Variants in COL4A2 observed in about 807,000 individuals in gnomAD.
COL4A2 encodes collagen type IV alpha 2 chain.
A neutral mutation model predicts 200.2 loss-of-function variants in COL4A2; 99 were observed. That is an observed-to-expected ratio of 0.49 (90% CI 0.42 to 0.58). The LOEUF is 0.58. Among genes scored for constraint, COL4A2 ranks in the 20% least tolerant of loss-of-function variants. COL4A2 has a pLI of 0.00. For synonymous variants in COL4A2, 897 were observed against 900.6 expected (o/e 1.00, Z 0.07); for missense variants, 1,950 against 2,314.1 (o/e 0.84, Z 3.23).
chr13:110,411,578 G>A (rs1879838814), intron 4 of COL4A2, among the ~76,000 whole-genome samples: 1 of 152,176 alleles, frequency 6.6e-6, no homozygotes, highest in South Asian at 2.1e-4. Context: ...ATTTGAGCAG[G>A]GTAGGGTTAA....
intron 4 of COL4A2, among the ~76,000 whole-genome samples, chr13:110,418,830 A>G (rs1880140947): frequency 6.6e-6 from 1 of 152,222 alleles, no homozygotes; most frequent in East Asian, 1.9e-4. Context: ...ACTAGCCTTT[A>G]CATTATTGTT....
chr13:110,479,649 A>G (rs866038167), intron 30 of COL4A2, among the ~76,000 whole-genome samples: 2 of 152,194 alleles, frequency 1.3e-5, no homozygotes, highest in African/African-American at 2.4e-5. Context: ...AGAGAAATGC[A>G]TTAAGAAGGG....
In COL4A2 at chr13:110,513,016, A is replaced by T. The variant is rs1266507397; in HGVS notation, c.*825A>T. On this transcript the variant is annotated 3_prime_UTR_variant, in exon 48 of 48. Coordinates refer to ENST00000360467, the MANE Select transcript of COL4A2 (RefSeq NM_001846.4). ...GACTACAAAATAAAACTTGGTTCTG[A>T]ATATTTTTAAACCCCGAGTTGTTGA... 6.6e-6 allele frequency: 1 copy of T among 152,178 alleles called. No individual in the cohort carries two copies. Among genetic ancestry groups the T allele is most frequent in the Admixed American group, 6.5e-5 (1 of 15,282 alleles). 9.4% of individuals were successfully genotyped at this position (152,178 alleles called of 1,614,324 possible). A position where few individuals can be genotyped will look rare whatever the true frequency, so the allele number is the denominator to read the frequency against.
chr13:110,479,162 A>G (rs56134938), intron 30 of COL4A2, among the ~76,000 whole-genome samples: 18,646 of 152,184 alleles, frequency 0.12, 1,244 homozygotes, highest in Middle Eastern at 0.2. Flanking sequence ...CTGGTTCTCA[A>G]CTACTGAGAA....
chr13:110,466,304 A>G (rs922490118), intron 26 of COL4A2, among the ~76,000 whole-genome samples: 12 of 152,194 alleles, frequency 7.9e-5, no homozygotes, highest in African/African-American at 2.9e-4. Context: ...ACTGGAAAGC[A>G]CCAGTGCATT....
chr13:110,480,312 T>C lies in COL4A2; in HGVS notation c.2680T>C (p.Phe894Leu). 6.2e-7 allele frequency: 1 copy of C among 1,613,986 alleles called. No homozygotes were observed. Among genetic ancestry groups the C allele is most frequent in the Non-Finnish European group, 8.5e-7 (1 of 1,179,930 alleles). The change falls in exon 31 of 48, where the codon TTC (phenylalanine) becomes CTC (leucine). Residue 894 changes from phenylalanine to leucine, a missense_variant. Physicochemically the swap from Phe to Leu is conservative, Grantham distance 22. Transcript: ENST00000360467. ...GLSGDRGDAG[F>L]TGEQGHPGSP... ...CTCTGGTGACAGAGGAGATGCTGGC[T>C]TCACAGGGGAGCAAGGCCATCCAGG...
At chr13:110,471,280 A>C (rs1019940887) in intron 28 of COL4A2, among the ~76,000 whole-genome samples, 14 of 152,164 alleles carry the variant, frequency 9.2e-5, no homozygotes, top group Non-Finnish European at 1.9e-4. Flanking sequence ...TTATCAGGTG[A>C]TTTGGACAGT....
At chr13:110,343,606 C>A (rs529272822) in intron 3 of COL4A2, among the ~76,000 whole-genome samples, 9 of 152,312 alleles carry the variant, frequency 5.9e-5, no homozygotes, top group African/African-American at 2.2e-4. Context: ...GGCCCCAAAG[C>A]CCCTGGGACT....
chr13:110,478,301 C>T (rs1882770787), intron 30 of COL4A2, 137 bp downstream of exon 30: 6 of 733,880 alleles, frequency 8.2e-6, no homozygotes, highest in Non-Finnish European at 1.0e-5. Flanking sequence ...CAAACCAGAA[C>T]ATGTATTTCA....
rs959801271 is a variant in COL4A2, at chr13:110,457,647, C to A, written c.1432+212C>A. The A allele has an allele frequency of 1.9e-4, 129 of 675,848 alleles. 2 individuals are homozygous for A. In the East Asian group the frequency reaches 3.8e-3, roughly 20 times the overall value. The allele number at this position is 675,848 out of a possible 1,614,324, so 41.9% of individuals were successfully genotyped here. A position where few individuals can be genotyped will look rare whatever the true frequency, so the allele number is the denominator to read the frequency against. On this transcript the variant is annotated intron_variant, in intron 21 of 47. Transcript: ENST00000360467. ...CTGAGCACTCGGCCCCCAGGCTCAC[C>A]GTCCCTGCTCTCCATCTGCCATCCT...
intron 28 of COL4A2, among the ~76,000 whole-genome samples, chr13:110,470,035 C>T (rs1367854576): frequency 1.3e-5 from 2 of 151,628 alleles, no homozygotes; most frequent in Non-Finnish European, 2.9e-5. Flanking sequence ...CTGCCTCAGC[C>T]TCCTGAGTAG....
rs771132992 is a variant in COL4A2 at position 110,432,373 on chromosome 13, T to TG, written c.684+19dup. 6 of 1,603,868 alleles carry TG rather than the reference T, an allele frequency of 3.7e-6. No homozygotes were observed. Among genetic ancestry groups the TG allele is most frequent in the East Asian group, 4.5e-5 (2 of 44,290 alleles). ...AAAAGGACAGCAAGTAAGTTGGTTT[T>TG]GGGGGGTGAGGATGAGGGAAGGGGG... On this transcript the variant is annotated intron_variant, in intron 11 of 47. Coordinates refer to ENST00000360467, the MANE Select transcript of COL4A2 (RefSeq NM_001846.4).
rs1883879056 is a variant in COL4A2, at chr13:110,506,411, G to T, written c.4403-4G>T. 1.2e-6 allele frequency: 2 copies of T among 1,607,530 alleles called. No homozygotes were observed. Among genetic ancestry groups the T allele is most frequent in the South Asian group, 2.2e-5 (2 of 90,038 alleles). ...GTCCACTCTCTCTCTTTCTCGGGCT[G>T]CAGGTGCACCAGGCCGTCCAGGGAG... On this transcript the variant is annotated splice_region_variant and splice_polypyrimidine_tract_variant and intron_variant, in intron 45 of 47. Transcript: ENST00000360467.
intron 4 of COL4A2, among the ~76,000 whole-genome samples, chr13:110,386,767 C>G (rs1184218041): frequency 6.6e-6 from 1 of 152,152 alleles, no homozygotes; most frequent in African/African-American, 2.4e-5. Flanking sequence ...GATGCTTACG[C>G]TCTAGAAGAC....
intron 3 of COL4A2, among the ~76,000 whole-genome samples, chr13:110,346,056 G>C (rs1876686676): frequency 6.6e-6 from 1 of 152,298 alleles, no homozygotes; most frequent in African/African-American, 2.4e-5. Flanking sequence ...ATCCTGGGCT[G>C]CCTCTATCAC....
chr13:110,485,143 G>C (rs1883070224), intron 33 of COL4A2, 116 bp downstream of exon 33: 1 of 905,734 alleles, frequency 1.1e-6, no homozygotes, highest in Non-Finnish European at 1.6e-6. Flanking sequence ...CTTTCTTCGT[G>C]CTTTTCATCT....
In COL4A2 at chr13:110,465,392, A is replaced by G. The variant is rs1408566382; in HGVS notation, c.1777-13A>G. 8 of 1,576,892 alleles carry G rather than the reference A, an allele frequency of 5.1e-6. No homozygotes were observed. In the Admixed American group the frequency reaches 1.4e-4, roughly 28 times the overall value. On this transcript the variant is annotated splice_polypyrimidine_tract_variant and intron_variant, in intron 24 of 47. Transcript: ENST00000360467. ...AGTATATATTTTAAGAAATAAACTGAATTTTCACACAGGGTGATGGCATCA... is the reference window on the plus strand; with the variant it reads ...AGTATATATTTTAAGAAATAAACTGGATTTTCACACAGGGTGATGGCATCA...
At chr13:110,445,768 C>T in intron 16 of COL4A2, 61 bp from the exon 17 acceptor site, 1 of 1,576,186 alleles carries the variant, frequency 6.3e-7, no homozygotes, top group Non-Finnish European at 8.7e-7. Context: ...AATGCCATTG[C>T]AGTCCCTTTT....
In COL4A2 at chr13:110,392,721, G is replaced by T. The variant is rs536783164; in HGVS notation, c.181-32013G>T. On this transcript the variant is annotated intron_variant, in intron 4 of 47. Coordinates refer to ENST00000360467, the MANE Select transcript of COL4A2 (RefSeq NM_001846.4). The stretch of plus-strand genomic sequence containing the variant: ...CCGACCCTTATCTAACTGTGGTCAA[G>T]AATAATTGTTGGCCATTTCCTGCTC... Among the ~76,000 whole-genome samples the T allele has an allele frequency of 1.8e-4, 28 of 152,306 alleles. No homozygotes were observed. In the South Asian group the frequency reaches 5.8e-3, roughly 32 times the overall value.
Sources: gnomAD v4.1 joint callset for allele counts (sites outside exome capture counted in the v4.1 genomes callset) on GRCh38, gnomAD v4.1.1 for gene constraint, MANE v1.5 for transcripts, NCBI Gene and HGNC (gene_info 2026-07-23, HGNC 2026-07-21) for gene names.